Variants in DLG2 observed in about 807,000 individuals in gnomAD.
The protein encoded by DLG2 is disks large homolog 2.
In DLG2, 45 loss-of-function variants were observed where a neutral mutation model predicts 132.5. That is an observed-to-expected ratio of 0.34 (90% CI 0.27 to 0.44). DLG2 has a LOEUF of 0.44. Ranked by LOEUF, DLG2 falls within the 20% of genes least tolerant of loss-of-function variation. The pLI is 1.00. For missense variants in DLG2, 1,045 were observed against 1,196.9 expected (o/e 0.87, Z 1.87); for synonymous variants, 424 against 419.6 (o/e 1.01, Z -0.13).
intron 6 of DLG2, among the ~76,000 whole-genome samples, chr11:84,594,554 T>C (rs574436520): frequency 3.9e-5 from 6 of 152,110 alleles, no homozygotes; most frequent in Non-Finnish European, 7.4e-5. Flanking sequence ...AAGAACAAAG[T>C]AGCAGTCCAA....
chr11:84,637,630 T>A (rs1026869755), intron 6 of DLG2, among the ~76,000 whole-genome samples: 2 of 152,220 alleles, frequency 1.3e-5, no homozygotes, highest in Non-Finnish European at 2.9e-5. Flanking sequence ...TTTGTTCTTG[T>A]CTGGGGAAGT....
intron 3 of DLG2, among the ~76,000 whole-genome samples, chr11:85,540,194 A>G (rs78658098): frequency 0.018 from 2,762 of 152,316 alleles, 50 homozygotes; most frequent in Admixed American, 0.035. Context: ...GCCCACGGAC[A>G]TAAGTGAGGA....
At chr11:83,875,354 T>C (rs572765623) in intron 15 of DLG2, among the ~76,000 whole-genome samples, 1 of 152,300 alleles carries the variant, frequency 6.6e-6, no homozygotes, top group South Asian at 2.1e-4. Flanking sequence ...TTATTTCTCA[T>C]AAATGTATGA....
chr11:85,206,137 C>T (rs1389138240), intron 4 of DLG2, among the ~76,000 whole-genome samples: 8 of 152,112 alleles, frequency 5.3e-5, no homozygotes, highest in South Asian at 2.1e-4. Context: ...TCCCTGATCT[C>T]TATCTTCCTC....
intron 22 of DLG2, among the ~76,000 whole-genome samples, chr11:83,477,754 A>G (rs1419846657): frequency 6.6e-6 from 1 of 150,490 alleles, no homozygotes; most frequent in Admixed American, 6.6e-5. Flanking sequence ...TTTTTTTTGT[A>G]TTTGTTTATA....
At chr11:85,537,477 A>T (rs1462260796) in intron 3 of DLG2, among the ~76,000 whole-genome samples, 1 of 152,044 alleles carries the variant, frequency 6.6e-6, no homozygotes, top group Admixed American at 6.5e-5. Context: ...CCACCAACCC[A>T]CCAGGAGGGA....
chr11:83,560,854 T>C (rs1388403341), intron 19 of DLG2, among the ~76,000 whole-genome samples: 1 of 152,166 alleles, frequency 6.6e-6, no homozygotes, highest in African/African-American at 2.4e-5. Flanking sequence ...TTTCCCCCTG[T>C]GTATTAGTCC....
intron 6 of DLG2, among the ~76,000 whole-genome samples, chr11:84,961,041 T>C (rs1049264055): frequency 1.3e-5 from 2 of 152,126 alleles, no homozygotes; most frequent in South Asian, 2.1e-4. Context: ...TAGTTATATA[T>C]TGAAATGTAA....
At chr11:84,866,482 G>A (rs1194716949) in intron 6 of DLG2, among the ~76,000 whole-genome samples, 1 of 152,200 alleles carries the variant, frequency 6.6e-6, no homozygotes, top group Non-Finnish European at 1.5e-5. Flanking sequence ...AGAGTGCGAG[G>A]AGGTGTGAGA....
At chr11:84,704,985 G>T (rs1596115910) in intron 6 of DLG2, among the ~76,000 whole-genome samples, 1 of 150,724 alleles carries the variant, frequency 6.6e-6, no homozygotes, top group Admixed American at 6.6e-5. Flanking sequence ...GTACACATGT[G>T]CACACTCATT....
chr11:85,404,523 T>C (rs140393470), intron 3 of DLG2, among the ~76,000 whole-genome samples: 1 of 151,884 alleles, frequency 6.6e-6, no homozygotes, highest in Non-Finnish European at 1.5e-5. Context: ...TGGGCTCTAA[T>C]GGGGTTCACA....
intron 18 of DLG2, among the ~76,000 whole-genome samples, chr11:83,733,922 A>C (rs2091453646): frequency 2.8e-5 from 4 of 143,504 alleles, no homozygotes; most frequent in East Asian, 2.3e-4. Flanking sequence ...TCCCTCTCCT[A>C]CCCTCCCACC....
intron 6 of DLG2, among the ~76,000 whole-genome samples, chr11:84,560,762 T>C (rs942228671): frequency 2.6e-5 from 4 of 152,054 alleles, no homozygotes; most frequent in African/African-American, 9.7e-5. Flanking sequence ...ATGAGGGGTA[T>C]GCTGAAGATG....
intron 3 of DLG2, among the ~76,000 whole-genome samples, chr11:85,587,235 A>G (rs1197094056): frequency 6.6e-6 from 1 of 152,098 alleles, no homozygotes; most frequent in Non-Finnish European, 1.5e-5. Flanking sequence ...GGTATAGTTT[A>G]AATCCATTGT....
At chr11:84,576,893 T>C (rs892965255) in intron 6 of DLG2, among the ~76,000 whole-genome samples, 5 of 152,152 alleles carry the variant, frequency 3.3e-5, no homozygotes, top group African/African-American at 1.2e-4. Flanking sequence ...CATATATACT[T>C]TGTGATATGG....
At chr11:84,475,939 G>T (rs1185857738) in intron 7 of DLG2, among the ~76,000 whole-genome samples, 1 of 151,972 alleles carries the variant, frequency 6.6e-6, no homozygotes, top group Non-Finnish European at 1.5e-5. Context: ...GTTATCGATG[G>T]TTCTGTTTAA....
At chr11:84,714,255 AC>A (rs1396201671) in intron 6 of DLG2, among the ~76,000 whole-genome samples, 1 of 152,116 alleles carries the variant, frequency 6.6e-6, no homozygotes, top group African/African-American at 2.4e-5. Context: ...CCTGCTAGTG[AC>A]AAAAAATATG....
chr11:84,319,033 T>C (rs928911684), intron 7 of DLG2, among the ~76,000 whole-genome samples: 35 of 152,374 alleles, frequency 2.3e-4, no homozygotes, highest in African/African-American at 7.9e-4. Context: ...AATTTAGTTC[T>C]GGTGTTGAGG....
At chr11:85,257,766 C>A (rs17810429) in intron 4 of DLG2, among the ~76,000 whole-genome samples, 6,478 of 152,132 alleles carry the variant, frequency 0.043, 180 homozygotes, top group East Asian at 0.093. Context: ...TTTACCTTCC[C>A]AGGAAACAAC....
Sources: allele counts gnomAD v4.1 joint callset (sites outside exome capture counted in the v4.1 genomes callset), GRCh38; gene constraint gnomAD v4.1.1; transcripts MANE v1.5; gene names NCBI Gene and HGNC (gene_info 2026-07-23, HGNC 2026-07-21).